Variants in FAT1 observed in about 807,000 individuals in gnomAD.
FAT1 encodes the protein FAT atypical cadherin 1, also known as protocadherin Fat 1.
FAT1 carries 171 observed loss-of-function variants against 329.8 expected under a neutral mutation model. The observed-to-expected ratio is 0.52, with a 90% CI of 0.46 to 0.59. FAT1 has a LOEUF of 0.59. Among genes scored for constraint, FAT1 ranks in the 20% least tolerant of loss-of-function variants. The pLI is 0.00. For synonymous variants in FAT1, 2,233 were observed against 2,228.6 expected (o/e 1.00, Z -0.06); for missense variants, 5,672 against 5,774.4 (o/e 0.98, Z 0.57).
At chr4:186,672,073 T>A (rs1742756180) in intron 2 of FAT1, among the ~76,000 whole-genome samples, 1 of 152,208 alleles carries the variant, frequency 6.6e-6, no homozygotes, top group South Asian at 2.1e-4. Flanking sequence ...ACTATTTACT[T>A]CACTGGTGTT....
At position 186,588,957 on chromosome 4, in the gene FAT1, TGTCTCTAGGAGGGTGGATGGATTCA is replaced by T; in HGVS notation, c.13377_13401del (p.Phe4459LeufsTer20). 3 of 1,614,002 alleles carry T rather than the reference TGTCTCTAGGAGGGTGGATGGATTCA, an allele frequency of 1.9e-6. No individual in the cohort carries two copies. Among genetic ancestry groups the T allele is most frequent in the Non-Finnish European group, 2.5e-6 (3 of 1,179,904 alleles). On this transcript the variant is annotated frameshift_variant, in exon 27 of 27. Coordinates refer to ENST00000441802, the MANE Select transcript of FAT1 (RefSeq NM_005245.4). LOFTEE classifies it high-confidence loss of function. The stretch of plus-strand genomic sequence containing the variant: ...GAACCCAAGCTACCCGCGGCAGGCA[TGTCTCTAGGAGGGTGGATGGATTCA>T]AACTGATTGCTGAATTCGGGCGGTA...
rs766131751 is a variant in FAT1 at position 186,708,150 on chromosome 4, T to C, written c.1678A>G (p.Asn560Asp). The change falls in exon 2 of 27, where the codon AAT (asparagine) becomes GAT (aspartate). Residue 560 changes from asparagine (N) to aspartate (D), a missense_variant. Physicochemically the swap from Asn to Asp is conservative, Grantham distance 23. This residue lies in a region of FAT1 where 3,966 missense variants were observed against 3,915.2 expected (regional missense o/e 1.01). Transcript: ENST00000441802. ...EVEVLATITL[N>D]NLNDNTPLFE... is the part of the protein sequence containing the mutation. ...AAAGGTGTGTTGTCATTCAAGTTAT[T>C]GAGAGTAATTGTAGCAAGGACTTCG... The C allele has an allele frequency of 1.4e-5, 23 of 1,613,858 alleles. No homozygotes were observed. In the African/African-American group the frequency reaches 2.5e-4, roughly 18 times the overall value.
At chr4:186,725,788 G>T (rs1404983961), upstream of FAT1, among the ~76,000 whole-genome samples, 1 of 152,204 alleles carries the variant, frequency 6.6e-6, no homozygotes, top group East Asian at 1.9e-4. The surrounding 1 kb of genome is among the most constrained non-coding windows in gnomAD (Gnocchi z 5.4). Flanking sequence ...GGAAATTAGG[G>T]AGGGGGTTGG....
chr4:186,614,719 C>T (rs576285406), intron 11 of FAT1, among the ~76,000 whole-genome samples: 15 of 152,302 alleles, frequency 9.8e-5, no homozygotes, highest in African/African-American at 3.4e-4. Flanking sequence ...AAATATCTGT[C>T]GTATCATATC....
chr4:186,722,152 T>C (rs1745495913), intron 1 of FAT1, among the ~76,000 whole-genome samples: 1 of 152,210 alleles, frequency 6.6e-6, no homozygotes, highest in African/African-American at 2.4e-5. Flanking sequence ...TTTTTAAACA[T>C]TTTTCTGTTG....
chr4:186,683,018 A>T (rs946225509), intron 2 of FAT1, among the ~76,000 whole-genome samples: 3 of 152,230 alleles, frequency 2.0e-5, no homozygotes, highest in Non-Finnish European at 4.4e-5. Flanking sequence ...CATTCCCTTC[A>T]GCCACAGACC....
intron 3 of FAT1, among the ~76,000 whole-genome samples, chr4:186,647,672 G>C (rs78863405): frequency 6.6e-6 from 1 of 151,954 alleles, no homozygotes; most frequent in East Asian, 1.9e-4. Context: ...CTGCAGGCAC[G>C]CACTTCAGAT....
At chr4:186,673,830 T>C (rs1229992854) in intron 2 of FAT1, among the ~76,000 whole-genome samples, 1 of 152,190 alleles carries the variant, frequency 6.6e-6, no homozygotes, top group Non-Finnish European at 1.5e-5. Context: ...TCCCGCTTTG[T>C]TGAGGAATGA....
chr4:186,723,231 C>A (rs557506614), intron 1 of FAT1, among the ~76,000 whole-genome samples: 1 of 152,266 alleles, frequency 6.6e-6, no homozygotes, highest in African/African-American at 2.4e-5. Flanking sequence ...CCGGGCAGCG[C>A]TCCTGCAGGG....
rs530749963 is a variant in FAT1, at chr4:186,665,676, G to A, written c.3266-2063C>T. On this transcript the variant is annotated intron_variant, in intron 2 of 26. Coordinates refer to ENST00000441802, the MANE Select transcript of FAT1 (RefSeq NM_005245.4). ...CTCTGATGGTAGTTTCTTTTGCTGT[G>A]CAGAAGCTCTTTAGTTTAATTAGAT... Among the ~76,000 whole-genome samples the A allele has an allele frequency of 2.6e-4, 39 of 152,216 alleles. 1 individual carries two copies. The South Asian group carries it at 6.9e-3, about 27-fold the overall frequency.
intron 4 of FAT1, among the ~76,000 whole-genome samples, chr4:186,637,520 C>T (rs904876220): frequency 6.6e-6 from 1 of 151,942 alleles, no homozygotes; most frequent in African/African-American, 2.4e-5. Context: ...AATTTAAGAC[C>T]AACTCATTAA....
Position 186,709,622 on chromosome 4 carries a change from T to C in FAT1, c.206A>G (p.Glu69Gly). 6.2e-7 allele frequency: 1 copy of C among 1,613,990 alleles called. No homozygotes were observed. Among genetic ancestry groups the C allele is most frequent in the African/African-American group, 1.3e-5 (1 of 75,040 alleles). The change falls in exon 2 of 27, where the codon GAA becomes GGA. Residue 69 changes from glutamate to glycine, a missense_variant. This residue lies in a region of FAT1 where 3,966 missense variants were observed against 3,915.2 expected (regional missense o/e 1.01). Coordinates refer to ENST00000441802, the MANE Select transcript of FAT1 (RefSeq NM_005245.4). Reference protein sequence around the residue: ...MGVYITHPAWEVRYKIVSGDS... With the variant: ...MGVYITHPAWGVRYKIVSGDS... ...TCCGGAAACAATTTTGTACCTTACT[T>C]CCCACGCTGGATGTGTAATGTAAAC... is the stretch of plus-strand genomic sequence containing the variant.
chr4:186,604,674 A>G, intron 17 of FAT1, 100 bp from the exon 18 acceptor site: 1 of 734,302 alleles, frequency 1.4e-6, no homozygotes, highest in Non-Finnish European at 2.2e-6. Context: ...AATACATACA[A>G]AACAAAGCCT....
chr4:186,631,627 G>C (rs1328373166), intron 7 of FAT1, among the ~76,000 whole-genome samples: 1 of 127,634 alleles, frequency 7.8e-6, no homozygotes. Flanking sequence ...GCTGACTCCT[G>C]TGCTCTTCAA....
intron 3 of FAT1, among the ~76,000 whole-genome samples, chr4:186,640,504 G>A (rs1202385615): frequency 6.6e-6 from 1 of 152,010 alleles, no homozygotes; most frequent in African/African-American, 2.4e-5. Context: ...TATTAATAAG[G>A]ACTATTGAAA....
intron 9 of FAT1, among the ~76,000 whole-genome samples, chr4:186,625,643 T>C (rs1350750846): frequency 6.6e-6 from 1 of 152,274 alleles, no homozygotes; most frequent in African/African-American, 2.4e-5. Flanking sequence ...AAACTCATTA[T>C]GAAGAAGACT....
intron 2 of FAT1, among the ~76,000 whole-genome samples, chr4:186,666,923 G>A (rs1445425393): frequency 2.0e-5 from 3 of 152,178 alleles, no homozygotes; most frequent in Non-Finnish European, 4.4e-5. Context: ...TTCAGCGCCA[G>A]CAATATCCTT....
chr4:186,603,340 C>T lies in FAT1; in HGVS notation c.11186G>A (p.Arg3729Lys), dbSNP rs2126426575. 6.2e-7 allele frequency: 1 copy of T among 1,613,996 alleles called. No individual in the cohort carries two copies. The highest frequency in any genetic ancestry group is 1.1e-5 in the South Asian group (1 of 91,078). The change falls in exon 19 of 27, where the codon AGG becomes AAG. Residue 3729 changes from arginine to lysine, a missense_variant. By Grantham distance (26) the Arg-to-Lys change is conservative (BLOSUM62 2). Around this residue, in one of 2 missense-constraint regions of FAT1, gnomAD observed 1,706 missense variants for 1,859.1 expected, o/e 0.92. Transcript: ENST00000441802. The stretch of plus-strand genomic sequence containing the variant: ...GAGTTTCTGGAATACATTCAGTATC[C>T]TAACTCCAATGATTTCCTCAATGTC... ...VTDIEEIIGVRILNVFQKLCA... is the reference protein window; with the variant it reads ...VTDIEEIIGVKILNVFQKLCA...
At chr4:186,710,069 C>A (rs1491248) in intron 1 of FAT1, among the ~76,000 whole-genome samples, 2 of 151,906 alleles carry the variant, frequency 1.3e-5, no homozygotes, top group Non-Finnish European at 2.9e-5. Flanking sequence ...CATTTTTGAA[C>A]GACAAGGTCC....
Sources: allele counts gnomAD v4.1 joint callset (sites outside exome capture counted in the v4.1 genomes callset), GRCh38; gene constraint gnomAD v4.1.1; regional missense constraint gnomAD v4.1.1; non-coding constraint Gnocchi (gnomAD v3.1); transcripts MANE v1.5; gene names NCBI Gene and HGNC (gene_info 2026-07-23, HGNC 2026-07-21).